The following SANBR variants were observed in gnomAD, a reference collection of about 807,000 sequenced individuals.
The protein encoded by SANBR is SANT and BTB domain regulator of CSR.
In SANBR, 77 loss-of-function variants were observed where a neutral mutation model predicts 101.8. That is an observed-to-expected ratio of 0.76 (90% CI 0.63 to 0.91). The LOEUF is 0.91. SANBR is among the 40% of genes least tolerant of loss of function. SANBR has a pLI of 0.00. For missense variants in SANBR, 875 were observed against 853.0 expected, an observed-to-expected ratio of 1.03 and a Z score of -0.32; for synonymous variants, 279 against 274.7, an observed-to-expected ratio of 1.02 and a Z score of -0.15.
intron 6 of SANBR, among the ~76,000 whole-genome samples, chr2:61,079,987 C>CAGG (rs1682013479): frequency 6.7e-6 from 1 of 149,882 alleles, no homozygotes; most frequent in African/African-American, 2.5e-5. Flanking sequence ...CACCTGAGGT[C>CAGG]AGGAGGCAAG....
intron 12 of SANBR, among the ~76,000 whole-genome samples, chr2:61,098,091 T>C (rs1011435190): frequency 8.5e-5 from 11 of 130,060 alleles, no homozygotes; most frequent in Admixed American, 1.6e-4. Flanking sequence ...TTTGGAGGTT[T>C]TTGTTTTTTG....
chr2:61,101,542 G>A (rs1229402089), intron 12 of SANBR, among the ~76,000 whole-genome samples: 1 of 151,018 alleles, frequency 6.6e-6, no homozygotes, highest in African/African-American at 2.4e-5. Context: ...GACCATCCTG[G>A]CTAACACGCT....
rs769206324 is a variant in SANBR at position 61,070,379 on chromosome 2, A to G, written c.29A>G (p.Asn10Ser). 1.9e-6 allele frequency: 3 copies of G among 1,591,754 alleles called. No individual in the cohort carries two copies. The highest frequency in any genetic ancestry group is 1.8e-5 in the Admixed American group (1 of 55,114). The change falls in exon 3 of 22, where the codon AAT (asparagine) becomes AGT (serine). Residue 10 changes from asparagine (N) to serine (S), a missense_variant. Transcript: ENST00000402291. MSRGYSENN[N>S]FLNNNNQMVL... ...AGTCGTGGATATTCAGAAAACAACA[A>G]TTTCCTGAACAATAATAACCAAATG...
chr2:61,112,158 C>G (rs1683860998), intron 16 of SANBR, among the ~76,000 whole-genome samples: 1 of 152,212 alleles, frequency 6.6e-6, no homozygotes, highest in South Asian at 2.1e-4. Flanking sequence ...TGCATCTCTA[C>G]AAGCAGTGGA....
chr2:61,131,972 C>A (rs1573685930), intron 20 of SANBR, among the ~76,000 whole-genome samples: 1 of 152,130 alleles, frequency 6.6e-6, no homozygotes, highest in South Asian at 2.1e-4. Flanking sequence ...CAGGCTAATG[C>A]AAAATAATCA....
chr2:61,109,447 T>C, intron 16 of SANBR, 151 bp downstream of exon 16: 1 of 439,448 alleles, frequency 2.3e-6, no homozygotes, highest in Non-Finnish European at 4.1e-6. Context: ...CAAGATTTCC[T>C]AACCCGGGCA....
intron 1 of SANBR, among the ~76,000 whole-genome samples, chr2:61,067,201 G>A (rs1006242126): frequency 2.0e-5 from 3 of 152,168 alleles, no homozygotes; most frequent in Non-Finnish European, 2.9e-5. Flanking sequence ...TAGTACAGTT[G>A]TATAAAGAGA....
intron 12 of SANBR, among the ~76,000 whole-genome samples, chr2:61,099,275 T>C (rs1196443285): frequency 6.6e-6 from 1 of 152,164 alleles, no homozygotes; most frequent in African/African-American, 2.4e-5. Context: ...ACTTGAGGGG[T>C]AGTCAGTGGA....
chr2:61,125,485 A>G (rs1418341161), downstream of SANBR, among the ~76,000 whole-genome samples: 1 of 152,246 alleles, frequency 6.6e-6, no homozygotes, highest in African/African-American at 2.4e-5. Flanking sequence ...GAGCTAGGTA[A>G]AGAATACTGT....
chr2:61,084,695 G>A (rs1465395607), intron 8 of SANBR, among the ~76,000 whole-genome samples: 2 of 152,148 alleles, frequency 1.3e-5, no homozygotes, highest in Non-Finnish European at 2.9e-5. Flanking sequence ...ATGCAAGCAG[G>A]GGAGTGACGT....
intron 5 of SANBR, among the ~76,000 whole-genome samples, chr2:61,076,240 G>A (rs987241680): frequency 1.3e-5 from 2 of 148,606 alleles, no homozygotes; most frequent in South Asian, 2.3e-4. Context: ...TGATCCACCC[G>A]CCTCAGCCTC....
At chr2:61,081,066 C>T (rs533048389) in intron 6 of SANBR, among the ~76,000 whole-genome samples, 2 of 152,206 alleles carry the variant, frequency 1.3e-5, no homozygotes, top group East Asian at 3.9e-4. Flanking sequence ...AAGCATTGAA[C>T]TCTTTAAATT....
At position 61,116,045 on chromosome 2, in the gene SANBR, A is replaced by G; in HGVS notation, c.1811A>G (p.Gln604Arg). Reference sequence around the variant, plus strand: ...AAGCAGGTATCTTCACCCTGTGCCCAGAGGAAAGAAAAGGCATTGGAGAAG... The same window carrying G: ...AAGCAGGTATCTTCACCCTGTGCCCGGAGGAAAGAAAAGGCATTGGAGAAG... ...PKKQVSSPCA[Q>R]RKEKALEKSA... The change falls in exon 17 of 22, where the codon CAG becomes CGG. Residue 604 changes from glutamine to arginine, a missense_variant. Gln to Arg is a conservative substitution (Grantham distance 43). Coordinates refer to ENST00000402291, the MANE Select transcript of SANBR (RefSeq NM_001129993.3). 1 of 1,609,626 alleles carries G rather than the reference A, an allele frequency of 6.2e-7. No individual in the cohort carries two copies. Among genetic ancestry groups the G allele is most frequent in the Non-Finnish European group, 8.5e-7 (1 of 1,178,642 alleles).
chr2:61,070,729 A>G (rs1184881108), intron 3 of SANBR, among the ~76,000 whole-genome samples: 1 of 147,050 alleles, frequency 6.8e-6, no homozygotes, highest in Non-Finnish European at 1.5e-5. Flanking sequence ...ATTTATATAT[A>G]ATATTTTATA....
intron 17 of SANBR, 192 bp from the exon 18 acceptor site, chr2:61,117,165 C>A: frequency 1.7e-6 from 1 of 572,988 alleles, no homozygotes; most frequent in South Asian, 2.4e-5. Context: ...TTCTCTGAAC[C>A]TGTTTTATTA....
At chr2:61,108,121 C>T (rs1683661035) in intron 14 of SANBR, among the ~76,000 whole-genome samples, 196 bp from the exon 15 acceptor site, 1 of 152,132 alleles carries the variant, frequency 6.6e-6, no homozygotes, top group Admixed American at 6.6e-5. Flanking sequence ...TTTTAGAAAA[C>T]ATCCACATCC....
Position 61,124,063 on chromosome 2 carries a change from C to T in SANBR, c.*1901C>T, listed in dbSNP as rs1684440326. 4 of 786,234 alleles carry T rather than the reference C, an allele frequency of 5.1e-6. No homozygotes were observed. The highest frequency in any genetic ancestry group is 6.2e-6 in the Non-Finnish European group (4 of 648,408). The allele number at this position is 786,234 out of a possible 1,614,324, so 48.7% of individuals were successfully genotyped here. A position where few individuals can be genotyped will look rare whatever the true frequency, so the allele number is the denominator to read the frequency against. ...GAGCTGAGATCATGTTTCTGCGCTC[C>T]TAGCCTGGGTGACAGAGCAAGACTC... On this transcript the variant is annotated 3_prime_UTR_variant, in exon 22 of 22. Transcript: ENST00000402291.
chr2:61,115,739 A>C, intron 16 of SANBR: 1 of 301,968 alleles, frequency 3.3e-6, no homozygotes, highest in Non-Finnish European at 6.2e-6. Context: ...GTGACAGAAC[A>C]AGACTCTGTC....
chr2:61,097,628 G>T, intron 11 of SANBR, 72 bp from the exon 12 acceptor site: 3 of 1,133,244 alleles, frequency 2.6e-6, no homozygotes, highest in Non-Finnish European at 3.8e-6. Flanking sequence ...TATAATATTT[G>T]GTCTTAAGTA....
Sources: allele counts gnomAD v4.1 joint callset (sites outside exome capture counted in the v4.1 genomes callset), GRCh38; gene constraint gnomAD v4.1.1; transcripts MANE v1.5; gene names NCBI Gene and HGNC (gene_info 2026-07-23, HGNC 2026-07-21).